Variants in NCKAP5 observed in about 807,000 individuals in gnomAD.
The protein encoded by NCKAP5 is NCK associated protein 5, also known as nck-associated protein 5.
In NCKAP5, 92 loss-of-function variants were observed where a neutral mutation model predicts 167.0. The ratio of observed to expected loss-of-function variants is 0.55; its 90% CI spans 0.47 to 0.66. NCKAP5 has a LOEUF of 0.66. NCKAP5 is among the 30% of genes least tolerant of loss of function. The probability of loss-of-function intolerance (pLI) is 0.00; values close to 1 mark genes in which losing one functional copy is unlikely to be tolerated. For missense variants in NCKAP5, 2,378 were observed against 2,315.0 expected, an observed-to-expected ratio of 1.03 and a Z score of -0.56; for synonymous variants, 891 against 877.4, an observed-to-expected ratio of 1.02 and a Z score of -0.27.
chr2:133,599,387 C>A, the NCKAP5 span, among the ~76,000 whole-genome samples: 2 of 152,078 alleles, frequency 1.3e-5, no homozygotes, highest in African/African-American at 4.8e-5. Flanking sequence ...GGCTCTCCTG[C>A]CAGGTGTCTG....
chr2:133,202,277 A>C (rs568528790), intron 5 of NCKAP5, among the ~76,000 whole-genome samples: 68 of 152,280 alleles, frequency 4.5e-4, no homozygotes, highest in African/African-American at 9.1e-4. Flanking sequence ...CAAAAAGAAG[A>C]AATGGGGAAA....
intron 6 of NCKAP5, among the ~76,000 whole-genome samples, chr2:133,055,296 A>G (rs57582647): frequency 0.42 from 63,892 of 151,352 alleles, 15,092 homozygotes; most frequent in East Asian, 0.94. Flanking sequence ...ACACCGAGCC[A>G]AGAATTAGGG....
intron 8 of NCKAP5, among the ~76,000 whole-genome samples, chr2:132,900,236 A>G (rs529560588): frequency 2.0e-5 from 3 of 152,376 alleles, no homozygotes; most frequent in East Asian, 3.9e-4. Context: ...AAAATGTGAA[A>G]AGGAGACACA....
intron 3 of NCKAP5, among the ~76,000 whole-genome samples, chr2:133,376,870 G>A (rs541228397): frequency 8.5e-5 from 13 of 152,228 alleles, no homozygotes; most frequent in South Asian, 2.1e-4. Context: ...GGACACTGTC[G>A]CTGGTATATC....
intron 6 of NCKAP5, among the ~76,000 whole-genome samples, chr2:133,084,825 C>A (rs1413114444): frequency 6.6e-6 from 1 of 152,150 alleles, no homozygotes; most frequent in African/African-American, 2.4e-5. Flanking sequence ...ATGTTCCCCT[C>A]AAAAATTTCA....
At chr2:133,597,110 C>G in the NCKAP5 span, among the ~76,000 whole-genome samples, 2 of 152,198 alleles carry the variant, frequency 1.3e-5, no homozygotes, top group African/African-American at 4.8e-5. Context: ...AAAACCCTGT[C>G]AAAGATCCCA....
At chr2:132,865,851 C>T in intron 10 of NCKAP5, among the ~76,000 whole-genome samples, 1 of 152,134 alleles carries the variant, frequency 6.6e-6, no homozygotes, top group East Asian at 1.9e-4. Context: ...CACGGGGCTG[C>T]CTTGAGAACA....
In NCKAP5 at chr2:133,524,050, G is replaced by A. The variant is rs141629206; in HGVS notation, c.-61-6463C>T. 1.2e-4 allele frequency among the ~76,000 whole-genome samples: 19 copies of A among 152,294 alleles called. No homozygotes were observed. In the East Asian group the frequency reaches 3.3e-3, roughly 26 times the overall value. On this transcript the variant is annotated intron_variant, in intron 2 of 19. Transcript: ENST00000409261. ...AGAGCAGTGGCTGTCAAGCTTTGCC[G>A]CATGTTAGATGGAGTCACCTGGGGA...
At chr2:132,819,367 C>G (rs1352563797) in intron 11 of NCKAP5, among the ~76,000 whole-genome samples, 1 of 152,214 alleles carries the variant, frequency 6.6e-6, no homozygotes, top group Non-Finnish European at 1.5e-5. Flanking sequence ...AGCGCTACAG[C>G]TATGACTGTT....
At chr2:132,812,249 T>C (rs959682644) in intron 11 of NCKAP5, among the ~76,000 whole-genome samples, 1 of 152,208 alleles carries the variant, frequency 6.6e-6, no homozygotes, top group Admixed American at 6.5e-5. Context: ...GCATGCTGCC[T>C]TGTCTGGAGC....
chr2:133,211,799 CAA>C (rs1413419133), intron 5 of NCKAP5, among the ~76,000 whole-genome samples: 7 of 152,114 alleles, frequency 4.6e-5, no homozygotes. Flanking sequence ...GTAACTTTTC[CAA>C]AGTCATTTTT....
chr2:132,691,688 A>G (rs1686747749), intron 19 of NCKAP5, among the ~76,000 whole-genome samples: 1 of 152,216 alleles, frequency 6.6e-6, no homozygotes, highest in Non-Finnish European at 1.5e-5. Flanking sequence ...CAGCATGACC[A>G]TAAATCACAA....
intron 4 of NCKAP5, among the ~76,000 whole-genome samples, chr2:133,242,680 C>T (rs978097374): frequency 2.0e-5 from 3 of 152,126 alleles, no homozygotes; most frequent in South Asian, 2.1e-4. Context: ...TCCAATCTAT[C>T]GACTTTAAAA....
intron 5 of NCKAP5, among the ~76,000 whole-genome samples, chr2:133,187,905 C>T (rs190766832): frequency 2.0e-5 from 3 of 152,138 alleles, no homozygotes; most frequent in East Asian, 3.9e-4. Context: ...ATACAGCACA[C>T]TGATGGGTCT....
intron 4 of NCKAP5, among the ~76,000 whole-genome samples, chr2:133,258,913 A>G (rs1322432393): frequency 6.6e-6 from 1 of 152,146 alleles, no homozygotes; most frequent in East Asian, 1.9e-4. Flanking sequence ...ACTTCTTTTG[A>G]CTAACAGTTC....
intron 4 of NCKAP5, among the ~76,000 whole-genome samples, chr2:133,299,895 T>TAAA (rs1450539027): frequency 9.1e-4 from 127 of 139,100 alleles, no homozygotes; most frequent in African/African-American, 3.6e-3. Context: ...GCAAGACTAA[T>TAAA]GAAAAAGAGA....
At chr2:133,274,002 C>A (rs1362230115) in intron 4 of NCKAP5, among the ~76,000 whole-genome samples, 1 of 151,116 alleles carries the variant, frequency 6.6e-6, no homozygotes, top group Non-Finnish European at 1.5e-5. Flanking sequence ...CTATAACACG[C>A]CTTATATTAA....
At chr2:132,952,846 T>C (rs1420252566) in intron 8 of NCKAP5, among the ~76,000 whole-genome samples, 1 of 152,220 alleles carries the variant, frequency 6.6e-6, no homozygotes, top group African/African-American at 2.4e-5. Context: ...ATTCTCTCCA[T>C]AGCTCAGGAT....
intron 11 of NCKAP5, among the ~76,000 whole-genome samples, chr2:132,836,018 C>T (rs548140083): frequency 7.9e-5 from 12 of 152,260 alleles, no homozygotes; most frequent in Non-Finnish European, 1.3e-4. Context: ...GATGGGACAA[C>T]TGAGGTATAG....
Sources: gnomAD v4.1 joint callset for allele counts (sites outside exome capture counted in the v4.1 genomes callset) on GRCh38, gnomAD v4.1.1 for gene constraint, MANE v1.5 for transcripts, NCBI Gene and HGNC (gene_info 2026-07-23, HGNC 2026-07-21) for gene names.